The following CADM2 variants were observed in gnomAD, a reference collection of about 807,000 sequenced individuals.
The protein encoded by CADM2 is immunoglobulin superfamily member 4D.
CADM2 carries 12 observed loss-of-function variants against 49.8 expected under a neutral mutation model. The ratio of observed to expected loss-of-function variants is 0.24; its 90% confidence interval spans 0.15 to 0.39. The LOEUF is 0.39. Among genes scored for constraint, CADM2 ranks in the 10% least tolerant of loss-of-function variants. CADM2 has a pLI of 1.00. For missense variants in CADM2, 378 were observed against 492.3 expected (o/e 0.77, Z 2.20); for synonymous variants, 214 against 175.4 (o/e 1.22, Z -1.74).
chr3:85,344,388 TAAATA>T (rs2030331470), intron 1 of CADM2, among the ~76,000 whole-genome samples: 1 of 123,228 alleles, frequency 8.1e-6, no homozygotes, highest in African/African-American at 4.5e-5. Context: ...TCAAAATAAA[TAAATA>T]AATAAATAAA....
In CADM2 at chr3:85,255,621, C is replaced by A. The variant is rs570432081; in HGVS notation, c.61+295953C>A. 6.9e-4 allele frequency among the ~76,000 whole-genome samples: 104 copies of A among 151,106 alleles called. 1 individual carries two copies. Among genetic ancestry groups the A allele is most frequent in the Non-Finnish European group, 1.4e-3 (92 of 67,986 alleles). On this transcript the variant is annotated intron_variant, in intron 1 of 9. Coordinates refer to ENST00000383699, the MANE Select transcript of CADM2 (RefSeq NM_001167675.2). ...GAGTGAAAAAAATATGTGTAAAACTCTTGGAAAAGTTCTGGTGTGCATTAA... is the reference window on the plus strand; with the variant it reads ...GAGTGAAAAAAATATGTGTAAAACTATTGGAAAAGTTCTGGTGTGCATTAA...
intron 1 of CADM2, among the ~76,000 whole-genome samples, chr3:85,044,287 A>G (rs1330171909): frequency 6.8e-6 from 1 of 147,234 alleles, no homozygotes; most frequent in Non-Finnish European, 1.5e-5. Flanking sequence ...ATATCTATTC[A>G]GTAGTAAAAG....
rs544425336 is a variant in CADM2, at chr3:84,965,597, C to T, written c.61+5929C>T. On this transcript the variant is annotated intron_variant, in intron 1 of 9. Transcript: ENST00000383699. ...AACATTTAATTTTCTTCCAAACTATCGGGAACATAGGTCAGTTTAATGAAG... is the reference window on the plus strand; with the variant it reads ...AACATTTAATTTTCTTCCAAACTATTGGGAACATAGGTCAGTTTAATGAAG... Among the ~76,000 whole-genome samples the T allele has an allele frequency of 3.3e-5, 5 of 152,220 alleles. No homozygotes were observed. In the South Asian group the frequency reaches 8.3e-4, roughly 25 times the overall value.
intron 1 of CADM2, among the ~76,000 whole-genome samples, chr3:85,454,454 A>C (rs1030226331): frequency 1.8e-4 from 28 of 152,158 alleles, no homozygotes; most frequent in Non-Finnish European, 4.1e-4. Context: ...GGAGCTGTTG[A>C]GAGGCTATGG....
At chr3:84,973,383 C>G (rs1054591739) in intron 1 of CADM2, among the ~76,000 whole-genome samples, 1 of 151,994 alleles carries the variant, frequency 6.6e-6, no homozygotes, top group Admixed American at 6.6e-5. Flanking sequence ...TTAAAGAGCT[C>G]TCATTTCCTC....
rs144007390 is a variant in CADM2 at position 85,809,464 on chromosome 3, A to G, written c.238+7268A>G. ...AAATTAGCTGGGTGTGGTGGCATGC[A>G]CCTGTAATCCCAGCTACTCGGGAGT... On this transcript the variant is annotated intron_variant, in intron 3 of 9. Coordinates refer to ENST00000383699, the MANE Select transcript of CADM2 (RefSeq NM_001167675.2). Among the ~76,000 whole-genome samples the G allele has an allele frequency of 8.7e-3, 1,318 of 151,998 alleles. 22 individuals carry two copies. The highest frequency in any genetic ancestry group is 0.029 in the African/African-American group (1,189 of 41,450).
chr3:86,000,618 G>A (rs1730060794), intron 8 of CADM2, among the ~76,000 whole-genome samples: 1 of 151,906 alleles, frequency 6.6e-6, no homozygotes, highest in South Asian at 2.1e-4. Context: ...TGGAGAGATG[G>A]GGAAGAGGAA....
rs766342562 is a variant in CADM2 at position 85,726,526 on chromosome 3, T to A, written c.66T>A (p.Ala22=). 3 of 1,612,366 alleles carry A rather than the reference T, an allele frequency of 1.9e-6. No homozygotes were observed. The South Asian group carries it at 3.3e-5, about 18-fold the overall frequency. Residue 22 remains alanine, a synonymous_variant, in exon 2 of 10, where the codon GCT becomes GCA. Coordinates refer to ENST00000383699, the MANE Select transcript of CADM2 (RefSeq NM_001167675.2). ...GCAACCTTTCCTTGGTACCAGCGGC[T>A]GCTTCAAAGAATAAAGTTAAAGGTG... ...YSVCGLLLQA[A]ASKNKVKGSQ... is the part of the protein sequence containing the mutation.
intron 3 of CADM2, among the ~76,000 whole-genome samples, chr3:85,839,166 C>T (rs1486906505): frequency 6.6e-6 from 1 of 151,782 alleles, no homozygotes; most frequent in Non-Finnish European, 1.5e-5. Flanking sequence ...CATTGCTGTT[C>T]ACCTGGTGTC....
chr3:85,392,100 T>C (rs2034546760), intron 1 of CADM2, among the ~76,000 whole-genome samples: 1 of 152,226 alleles, frequency 6.6e-6, no homozygotes, highest in African/African-American at 2.4e-5. Context: ...TCAAAATCAC[T>C]TAAGAAAGAT....
chr3:85,782,733 A>G (rs908569936), intron 2 of CADM2, among the ~76,000 whole-genome samples: 1 of 152,084 alleles, frequency 6.6e-6, no homozygotes, highest in Non-Finnish European at 1.5e-5. Flanking sequence ...CCTTAAATTA[A>G]TGTATTGCTT....
intron 1 of CADM2, among the ~76,000 whole-genome samples, chr3:85,032,950 TGAGA>T (rs1191810046): frequency 3.3e-5 from 5 of 152,200 alleles, no homozygotes; most frequent in Non-Finnish European, 7.4e-5. Flanking sequence ...TCTTGCATGC[TGAGA>T]GATTTTCAGT....
intron 1 of CADM2, among the ~76,000 whole-genome samples, chr3:85,392,709 A>G (rs987681492): frequency 6.6e-6 from 1 of 152,138 alleles, no homozygotes; most frequent in Non-Finnish European, 1.5e-5. Flanking sequence ...TCAAAATTCT[A>G]TAAACTCTTT....
At chr3:84,971,975 A>AG (rs1559596343) in intron 1 of CADM2, among the ~76,000 whole-genome samples, 1 of 152,074 alleles carries the variant, frequency 6.6e-6, no homozygotes, top group African/African-American at 2.4e-5. Flanking sequence ...GGTCTGGTGC[A>AG]GGTCTTTTAT....
intron 8 of CADM2, among the ~76,000 whole-genome samples, chr3:86,059,719 T>C (rs1016710575): frequency 1.3e-5 from 2 of 152,162 alleles, no homozygotes; most frequent in Non-Finnish European, 2.9e-5. Flanking sequence ...AGGAGGTAGA[T>C]GTGAGAGGAA....
chr3:85,553,672 A>G (rs1413140454), intron 1 of CADM2, among the ~76,000 whole-genome samples: 1 of 152,206 alleles, frequency 6.6e-6, no homozygotes, highest in African/African-American at 2.4e-5. Context: ...AGCACTTACT[A>G]CCAGAGATTC....
intron 1 of CADM2, among the ~76,000 whole-genome samples, chr3:85,409,029 C>T (rs1453969329): frequency 6.6e-6 from 1 of 152,138 alleles, no homozygotes; most frequent in African/African-American, 2.4e-5. Flanking sequence ...ACTACATTCT[C>T]AGTAGTGAAA....
intron 1 of CADM2, among the ~76,000 whole-genome samples, chr3:85,000,437 C>G (rs916182622): frequency 6.7e-6 from 1 of 150,276 alleles, no homozygotes; most frequent in Admixed American, 6.7e-5. Context: ...AAGTCCTTGA[C>G]TTTGTTCACA....
chr3:85,292,669 C>A (rs1245656809), intron 1 of CADM2, among the ~76,000 whole-genome samples: 2 of 151,456 alleles, frequency 1.3e-5, no homozygotes, highest in Non-Finnish European at 3.0e-5. Context: ...GGAAACTGAA[C>A]AACCTGCTCC....
Sources: allele counts gnomAD v4.1 joint callset (sites outside exome capture counted in the v4.1 genomes callset), GRCh38; gene constraint gnomAD v4.1.1; transcripts MANE v1.5; gene names NCBI Gene and HGNC (gene_info 2026-07-23, HGNC 2026-07-21).